Variants in MBOAT1 observed in about 807,000 individuals in gnomAD.
The protein encoded by MBOAT1 is membrane bound glycerophospholipid O-acyltransferase 1.
A neutral mutation model predicts 64.4 loss-of-function variants in MBOAT1; 67 were observed. That is an observed-to-expected ratio of 1.04 (90% CI 0.85 to 1.27). The LOEUF (loss-of-function observed/expected upper bound fraction) is 1.27. Among genes scored for constraint, MBOAT1 ranks in the 50% most tolerant of loss-of-function variants. The pLI is 0.00. For missense variants in MBOAT1, 563 were observed against 604.6 expected, an observed-to-expected ratio of 0.93 and a Z score of 0.72; for synonymous variants, 229 against 218.9, an observed-to-expected ratio of 1.05 and a Z score of -0.41.
chr6:20,173,072 T>A (rs1419907172), intron 1 of MBOAT1, among the ~76,000 whole-genome samples: 1 of 152,224 alleles, frequency 6.6e-6, no homozygotes, highest in Non-Finnish European at 1.5e-5. Context: ...TCTGGTCACA[T>A]GACATGCCTT....
Position 20,212,159 on chromosome 6 carries a change from G to A in MBOAT1, c.76C>T (p.Leu26Phe), listed in dbSNP as rs1382861112. ...ACCTGGTCCAGCGGGATGCCCAGGA[G>A]CTCGCTGAGCGGGTGCAGGTAGGTG... ...GSTYLHPLSELLGIPLDQVNF... is the reference protein window; with the variant it reads ...GSTYLHPLSEFLGIPLDQVNF... Residue 26 changes from leucine (L) to phenylalanine (F), a missense_variant, in exon 1 of 13, where the codon CTC becomes TTC. Transcript: ENST00000324607. The A allele has an allele frequency of 1.2e-6, 2 of 1,613,746 alleles. No individual in the cohort carries two copies. Among genetic ancestry groups the A allele is most frequent in the African/African-American group, 1.3e-5 (1 of 75,040 alleles).
chr6:20,196,562 T>C (rs1561785011), intron 1 of MBOAT1, among the ~76,000 whole-genome samples: 1 of 152,028 alleles, frequency 6.6e-6, no homozygotes, highest in African/African-American at 2.4e-5. Flanking sequence ...GTGAATATAT[T>C]AAAAAACAGT....
intron 1 of MBOAT1, among the ~76,000 whole-genome samples, chr6:20,170,552 C>G (rs912585109): frequency 2.0e-5 from 3 of 151,978 alleles, no homozygotes; most frequent in Non-Finnish European, 1.5e-5. Flanking sequence ...TAAATCTATC[C>G]ATTTCCCTCC....
intron 1 of MBOAT1, among the ~76,000 whole-genome samples, chr6:20,207,648 G>T (rs899362862): frequency 6.6e-6 from 1 of 152,210 alleles, no homozygotes; most frequent in African/African-American, 2.4e-5. Context: ...CATAAATAAA[G>T]TTGTATGGGA....
intron 3 of MBOAT1, among the ~76,000 whole-genome samples, chr6:20,149,180 C>G (rs1035989674): frequency 2.6e-5 from 4 of 151,944 alleles, no homozygotes. Flanking sequence ...ATGGCAGAGC[C>G]CCCTGCTACC....
intron 8 of MBOAT1, among the ~76,000 whole-genome samples, chr6:20,120,632 G>A (rs1760468779): frequency 6.6e-6 from 1 of 151,260 alleles, no homozygotes; most frequent in Non-Finnish European, 1.5e-5. Flanking sequence ...TCGCGCCATT[G>A]CACACCAGCT....
intron 12 of MBOAT1, among the ~76,000 whole-genome samples, chr6:20,107,708 G>C (rs1450925312): frequency 6.6e-6 from 1 of 151,846 alleles, no homozygotes; most frequent in Non-Finnish European, 1.5e-5. Context: ...TGGAATACAG[G>C]CACTTCTGCT....
chr6:20,152,348 AAT>A (rs1460812514), intron 2 of MBOAT1, among the ~76,000 whole-genome samples: 1,609 of 43,054 alleles, frequency 0.037, 39 homozygotes, highest in Admixed American at 0.15. Context: ...ATAAAAAATA[AAT>A]AAATAAATAA....
chr6:20,206,276 T>C (rs2113777350), intron 1 of MBOAT1, among the ~76,000 whole-genome samples: 1 of 152,258 alleles, frequency 6.6e-6, no homozygotes, highest in Admixed American at 6.5e-5. Flanking sequence ...TGGGTTCAAG[T>C]GATTCTCTTG....
chr6:20,148,297 A>G (rs1296198534), intron 3 of MBOAT1, among the ~76,000 whole-genome samples: 2 of 152,150 alleles, frequency 1.3e-5, no homozygotes, highest in East Asian at 1.9e-4. Flanking sequence ...GGTGCCTGTA[A>G]TCTCAGCTAC....
intron 3 of MBOAT1, among the ~76,000 whole-genome samples, chr6:20,146,529 C>G (rs1363028094): frequency 6.6e-6 from 1 of 152,170 alleles, no homozygotes; most frequent in Non-Finnish European, 1.5e-5. Context: ...GGAGTTGAAG[C>G]AGAAGTGGAA....
At chr6:20,118,157 T>C (rs1037732352) in intron 9 of MBOAT1, among the ~76,000 whole-genome samples, 1 of 151,974 alleles carries the variant, frequency 6.6e-6, no homozygotes, top group Non-Finnish European at 1.5e-5. Context: ...AGAGCAGAAA[T>C]GTAGACAACA....
At position 20,205,510 on chromosome 6, in the gene MBOAT1, C is replaced by T. The variant is rs115200475; in HGVS notation, c.99+6626G>A. Among the ~76,000 whole-genome samples, 1,398 of 152,212 alleles carry T rather than the reference C, an allele frequency of 9.2e-3. 17 individuals are homozygous for T. Among genetic ancestry groups the T allele is most frequent in the African/African-American group, 0.027 (1,120 of 41,510 alleles). Reference sequence around the variant, plus strand: ...CATACCTGTGATCTCTCTGTCCTCCCTTCAATTATCGTCAAATCTAGCCAC... The same window carrying T: ...CATACCTGTGATCTCTCTGTCCTCCTTTCAATTATCGTCAAATCTAGCCAC... On this transcript the variant is annotated intron_variant, in intron 1 of 12. Coordinates refer to ENST00000324607, the MANE Select transcript of MBOAT1 (RefSeq NM_001080480.3).
chr6:20,164,527 C>T (rs1761959144), intron 1 of MBOAT1, among the ~76,000 whole-genome samples: 1 of 152,176 alleles, frequency 6.6e-6, no homozygotes, highest in East Asian at 1.9e-4. Flanking sequence ...GCTCTCAACA[C>T]TGGAATCAAC....
chr6:20,145,614 A>C (rs184144113), intron 3 of MBOAT1, among the ~76,000 whole-genome samples: 67 of 152,338 alleles, frequency 4.4e-4, no homozygotes, highest in African/African-American at 1.5e-3. Flanking sequence ...CACAGCATGC[A>C]AGGTGCTTCA....
At chr6:20,154,157 C>T (rs1257668427) in intron 1 of MBOAT1, among the ~76,000 whole-genome samples, 1 of 152,184 alleles carries the variant, frequency 6.6e-6, no homozygotes, top group Non-Finnish European at 1.5e-5. Context: ...ATTTTGTTTG[C>T]CCAGTGAAAA....
At chr6:20,102,726 T>C (rs1219066600) in intron 12 of MBOAT1, among the ~76,000 whole-genome samples, 1 of 152,090 alleles carries the variant, frequency 6.6e-6, no homozygotes, top group African/African-American at 2.4e-5. Context: ...ACACCCCCAA[T>C]ATTCAAAGTC....
At chr6:20,202,645 T>C (rs1427508433) in intron 1 of MBOAT1, among the ~76,000 whole-genome samples, 1 of 151,028 alleles carries the variant, frequency 6.6e-6, no homozygotes, top group Non-Finnish European at 1.5e-5. Flanking sequence ...ACATTGCAAA[T>C]AGGTTAATGA....
chr6:20,142,535 C>T (rs565926963), intron 4 of MBOAT1, among the ~76,000 whole-genome samples: 244 of 152,268 alleles, frequency 1.6e-3, no homozygotes, highest in African/African-American at 5.8e-3. Context: ...CTACAACCTC[C>T]GCCTCCCAGG....
Sources: allele counts gnomAD v4.1 joint callset (sites outside exome capture counted in the v4.1 genomes callset), GRCh38; gene constraint gnomAD v4.1.1; transcripts MANE v1.5; gene names NCBI Gene and HGNC (gene_info 2026-07-23, HGNC 2026-07-21).